Variants in BST1 observed in about 807,000 individuals in gnomAD.
BST1 encodes ADP-ribosyl cyclase/cyclic ADP-ribose hydrolase 2.
BST1 carries 49 observed loss-of-function variants against 40.6 expected under a neutral mutation model. That is an observed-to-expected ratio of 1.21 (90% confidence interval 0.96 to 1.53). BST1 has a LOEUF of 1.53. BST1 is among the 40% of genes most tolerant of loss of function. The probability of loss-of-function intolerance (pLI) is 0.00; values close to 1 mark genes in which losing one functional copy is unlikely to be tolerated. For missense variants in BST1, 423 were observed against 395.9 expected (o/e 1.07, Z -0.58); for synonymous variants, 157 against 159.3 (o/e 0.99, Z 0.11).
chr4:15,729,405 T>C (rs555042070), intron 8 of BST1, among the ~76,000 whole-genome samples: 5 of 152,252 alleles, frequency 3.3e-5, no homozygotes, highest in African/African-American at 1.2e-4. Flanking sequence ...TTCAACGAGC[T>C]GTAGTCATGC....
chr4:15,723,082 T>A, intron 8 of BST1, 148 bp downstream of exon 8: 1 of 701,680 alleles, frequency 1.4e-6, no homozygotes, highest in Non-Finnish European at 2.4e-6. Flanking sequence ...TATTTATATG[T>A]ATCTGTCTTA....
At position 15,715,744 on chromosome 4, in the gene BST1, G is replaced by GA. The variant is rs1426448572; in HGVS notation, c.655dup (p.Ile219AsnfsTer11). The GA allele has an allele frequency of 2.5e-6, 4 of 1,599,642 alleles. No individual in the cohort carries two copies. Among genetic ancestry groups the GA allele is most frequent in the Non-Finnish European group, 3.4e-6 (4 of 1,175,316 alleles). On this transcript the variant is annotated frameshift_variant, in exon 6 of 9. Coordinates refer to ENST00000265016, the MANE Select transcript of BST1 (RefSeq NM_004334.3). LOFTEE classifies it high-confidence loss of function. The stretch of plus-strand genomic sequence containing the variant: ...TTATGAAATTCCAAACCTCCAGAAG[G>GA]AAAAAATTACACGAATCGAGATCTG...
chr4:15,703,142 C>A lies in BST1; in HGVS notation c.-3C>A. The A allele has an allele frequency of 6.3e-7, 1 of 1,579,024 alleles. No homozygotes were observed. The highest frequency in any genetic ancestry group is 2.3e-5 in the East Asian group (1 of 42,698). On this transcript the variant is annotated 5_prime_UTR_variant, in exon 1 of 9. Transcript: ENST00000265016. ...ACGGGACTGGAGGGACCAAAGTTCC[C>A]CGATGGCGGCCCAGGGGTGCGCGGC...
the BST1 span, among the ~76,000 whole-genome samples, chr4:15,744,654 A>G: frequency 6.6e-6 from 1 of 152,226 alleles, no homozygotes; most frequent in Non-Finnish European, 1.5e-5. Flanking sequence ...CCTTTGGCCA[A>G]TATCATAAGA....
chr4:15,751,472 G>A, the BST1 span, among the ~76,000 whole-genome samples: 1 of 152,074 alleles, frequency 6.6e-6, no homozygotes. Flanking sequence ...AGGAAGAGAA[G>A]CAATTCCTCA....
the BST1 span, among the ~76,000 whole-genome samples, chr4:15,753,346 G>A: frequency 5.9e-5 from 9 of 152,168 alleles, no homozygotes; most frequent in African/African-American, 2.2e-4. Flanking sequence ...TCAGATAAAG[G>A]CGGTCTGGAA....
chr4:15,703,690 TGTGTGTGTGTGTGCTCTAGAGGTGGGG>T (rs1719688199), intron 1 of BST1, among the ~76,000 whole-genome samples: 2 of 93,200 alleles, frequency 2.1e-5, no homozygotes, highest in Non-Finnish European at 4.2e-5. Flanking sequence ...TAGAGGTGGA[TGTGTGTGTGTGTGCTCTAGAGGTGGGG>T]GTGTGTGTGT....
intron 7 of BST1, among the ~76,000 whole-genome samples, chr4:15,721,244 G>A (rs1030345152): frequency 1.3e-5 from 2 of 152,196 alleles, no homozygotes; most frequent in African/African-American, 2.4e-5. Context: ...CAATTCAGGT[G>A]GCATTGCCTT....
chr4:15,747,913 G>A, the BST1 span, among the ~76,000 whole-genome samples: 1 of 152,178 alleles, frequency 6.6e-6, no homozygotes, highest in Non-Finnish European at 1.5e-5. Context: ...CTGGCCTCAA[G>A]CAATCCTTCT....
downstream of BST1, among the ~76,000 whole-genome samples, chr4:15,735,865 G>A (rs1721541835): frequency 2.0e-5 from 3 of 152,014 alleles, no homozygotes; most frequent in Admixed American, 2.0e-4. Context: ...GAAAAATAAG[G>A]CTTTATTTTT....
chr4:15,753,500 T>C, the BST1 span, among the ~76,000 whole-genome samples: 1 of 152,126 alleles, frequency 6.6e-6, no homozygotes, highest in South Asian at 2.1e-4. Context: ...CTTGCATAAT[T>C]ATTAGTAGCA....
the BST1 span, among the ~76,000 whole-genome samples, chr4:15,753,439 A>C: frequency 1.3e-5 from 2 of 152,238 alleles, no homozygotes. Flanking sequence ...ATACATGTAG[A>C]AACCAAACAT....
downstream of BST1, chr4:15,736,151 C>T (rs1486121328): frequency 3.1e-6 from 4 of 1,281,680 alleles, no homozygotes; most frequent in Non-Finnish European, 3.1e-6. Context: ...GGGTTTCAAA[C>T]ATATCATTGC....
downstream of BST1, among the ~76,000 whole-genome samples, chr4:15,742,268 C>G (rs1225429097): frequency 6.6e-6 from 1 of 152,178 alleles, no homozygotes; most frequent in East Asian, 1.9e-4. Context: ...GGGTCAACCC[C>G]TCATGAATTA....
rs763052491 is a variant in BST1, at chr4:15,715,732, A to G, written c.637A>G (p.Asn213Asp). 6.2e-7 allele frequency: 1 copy of G among 1,601,910 alleles called. No individual in the cohort carries two copies. The highest frequency in any genetic ancestry group is 1.1e-5 in the South Asian group (1 of 87,648). Residue 213 changes from asparagine to aspartate, a missense_variant, in exon 6 of 9, where the codon AAC (asparagine) becomes GAC (aspartate). Physicochemically the swap from Asn to Asp is conservative, Grantham distance 23. Transcript: ENST00000265016. The part of the protein sequence containing the change: ...KGFFADYEIP[N>D]LQKEKITRIE... ...TTTTTTTGCAGATTATGAAATTCCA[A>G]ACCTCCAGAAGGAAAAAATTACACG...
intron 8 of BST1, 137 bp downstream of exon 8, chr4:15,723,071 TTATTTA>T: frequency 1.3e-6 from 1 of 745,388 alleles, no homozygotes; most frequent in Non-Finnish European, 2.2e-6. Context: ...GGCCTTATTT[TTATTTA>T]TATGTATCTG....
chr4:15,751,663 ATATT>A, the BST1 span, among the ~76,000 whole-genome samples: 1 of 151,858 alleles, frequency 6.6e-6, no homozygotes, highest in Non-Finnish European at 1.5e-5. Context: ...CTATAGATCT[ATATT>A]TATATAGTAT....
chr4:15,736,876 C>T (rs1445834560), downstream of BST1, among the ~76,000 whole-genome samples: 2 of 152,194 alleles, frequency 1.3e-5, no homozygotes, highest in Admixed American at 6.5e-5. Flanking sequence ...ATGCTTTACC[C>T]TGACCAGCCA....
chr4:15,752,127 C>G, the BST1 span, among the ~76,000 whole-genome samples: 257 of 152,222 alleles, frequency 1.7e-3, no homozygotes, highest in Admixed American at 6.5e-3. Context: ...TTTATGAGTT[C>G]CAGGTGTTCT....
Sources: gnomAD v4.1 joint callset for allele counts (sites outside exome capture counted in the v4.1 genomes callset) on GRCh38, gnomAD v4.1.1 for gene constraint, MANE v1.5 for transcripts, NCBI Gene and HGNC (gene_info 2026-07-23, HGNC 2026-07-21) for gene names.